Variants in KCNJ6 observed in about 807,000 individuals in gnomAD.
The protein encoded by KCNJ6 is potassium inwardly rectifying channel subfamily J member 6, also known as G protein-activated inward rectifier potassium channel 2.
A neutral mutation model predicts 34.2 loss-of-function variants in KCNJ6; 9 were observed. That is an observed-to-expected ratio of 0.26 (90% CI 0.16 to 0.46). KCNJ6 has a LOEUF of 0.46. KCNJ6 is among the 20% of genes least tolerant of loss of function. The probability of loss-of-function intolerance (pLI) is 1.00; values close to 1 mark genes in which losing one functional copy is unlikely to be tolerated. For missense variants in KCNJ6, 236 were observed against 531.3 expected (o/e 0.44, Z 5.46); for synonymous variants, 196 against 207.1 (o/e 0.95, Z 0.46).
rs1454987325 is a variant in KCNJ6 at position 37,859,512 on chromosome 21, TATATATATATATATATATAA to T, written c.-27-18823_-27-18804del. The stretch of plus-strand genomic sequence containing the variant: ...TTATATATATATATATATATATATA[TATATATATATATATATATAA>T]AATACTTAAAAAGCTCTACAGATGA... On this transcript the variant is annotated intron_variant, in intron 1 of 3. Coordinates refer to ENST00000609713, the MANE Select transcript of KCNJ6 (RefSeq NM_002240.5). 1.5e-3 allele frequency among the ~76,000 whole-genome samples: 182 copies of T among 119,040 alleles called. 12 individuals carry two copies. The highest frequency in any genetic ancestry group is 5.5e-3 in the African/African-American group (142 of 25,768). The allele number at this position is 119,040 out of a possible 152,430, so 78.1% of individuals were successfully genotyped here.
At chr21:37,719,488 A>G (rs1459771935) in intron 2 of KCNJ6, 2 of 152,192 alleles carry the variant, frequency 1.3e-5, no homozygotes, top group Non-Finnish European at 2.9e-5. Context: ...ACTTCTTACC[A>G]CCAAGGATAA....
chr21:37,722,979 T>C (rs1350039760), intron 2 of KCNJ6, among the ~76,000 whole-genome samples: 1 of 152,088 alleles, frequency 6.6e-6, no homozygotes, highest in Admixed American at 6.5e-5. Context: ...CAAAACAAAC[T>C]ATCAACAGGG....
intron 1 of KCNJ6, among the ~76,000 whole-genome samples, chr21:37,901,157 G>A (rs774192236): frequency 6.6e-6 from 1 of 152,202 alleles, no homozygotes; most frequent in Admixed American, 6.5e-5. Flanking sequence ...ATTGTCTTTG[G>A]TCAAGCTGTT....
At chr21:37,883,255 T>A (rs919941357) in intron 1 of KCNJ6, among the ~76,000 whole-genome samples, 10 of 152,330 alleles carry the variant, frequency 6.6e-5, no homozygotes, top group Admixed American at 5.9e-4. Context: ...AGCTATTAAG[T>A]ATTTTACTCT....
At chr21:37,631,579 G>C (rs1264878187) in intron 3 of KCNJ6, among the ~76,000 whole-genome samples, 1 of 152,138 alleles carries the variant, frequency 6.6e-6, no homozygotes, top group Non-Finnish European at 1.5e-5. Flanking sequence ...AGGACGATTG[G>C]AGAAGGGAGT....
chr21:37,886,645 G>A (rs963420816), intron 1 of KCNJ6, among the ~76,000 whole-genome samples: 8 of 152,148 alleles, frequency 5.3e-5, no homozygotes, highest in Admixed American at 1.3e-4. Flanking sequence ...GGATTTGCCC[G>A]CTGAAGGAAG....
chr21:37,704,183 T>C (rs2054706663), intron 3 of KCNJ6, among the ~76,000 whole-genome samples: 1 of 152,186 alleles, frequency 6.6e-6, no homozygotes, highest in African/African-American at 2.4e-5. Flanking sequence ...ACCAGGAAAG[T>C]GCTTGAAAAT....
chr21:37,655,285 G>A (rs1236406299), intron 3 of KCNJ6, among the ~76,000 whole-genome samples: 2 of 105,490 alleles, frequency 1.9e-5, no homozygotes, highest in African/African-American at 1.1e-4. Context: ...GAGAGAGAGA[G>A]TGTAACCATG....
At chr21:37,868,791 T>C (rs2055635884) in intron 1 of KCNJ6, among the ~76,000 whole-genome samples, 1 of 152,164 alleles carries the variant, frequency 6.6e-6, no homozygotes, top group Non-Finnish European at 1.5e-5. Context: ...CAGGCAGGGC[T>C]GGGGTTGGGT....
Position 37,614,978 on chromosome 21 carries a change from T to C in KCNJ6, c.*10181A>G, listed in dbSNP as rs1354002898. 1 of 152,244 alleles carries C rather than the reference T, an allele frequency of 6.6e-6. No individual in the cohort carries two copies. The highest frequency in any genetic ancestry group is 1.5e-5 in the Non-Finnish European group (1 of 68,042). 9.4% of individuals were successfully genotyped at this position (152,244 alleles called of 1,614,324 possible). On this transcript the variant is annotated 3_prime_UTR_variant, in exon 4 of 4. Coordinates refer to ENST00000609713, the MANE Select transcript of KCNJ6 (RefSeq NM_002240.5). ...TGAAGGTGCACACAGGGAGGAACCA[T>C]GTGATAACAGGCCACATGTTTTGTT...
intron 3 of KCNJ6, among the ~76,000 whole-genome samples, chr21:37,673,603 C>T (rs1260486636): frequency 6.6e-6 from 1 of 152,178 alleles, no homozygotes; most frequent in Admixed American, 6.5e-5. Context: ...GTGGATAGGA[C>T]ACAACACAGG....
chr21:37,687,304 T>C (rs1478758083), intron 3 of KCNJ6, among the ~76,000 whole-genome samples: 1 of 152,124 alleles, frequency 6.6e-6, no homozygotes, highest in East Asian at 1.9e-4. Context: ...CTCACCACTT[T>C]TCAGTTGTCA....
chr21:37,809,755 G>A (rs999931576), intron 2 of KCNJ6, among the ~76,000 whole-genome samples: 8 of 152,192 alleles, frequency 5.3e-5, no homozygotes, highest in Non-Finnish European at 1.2e-4. Context: ...AGGTAGACAT[G>A]AGCATGGTAT....
In KCNJ6 at chr21:37,613,646, A is replaced by C. The variant is rs1306544335; in HGVS notation, c.*11513T>G. 6.6e-6 allele frequency: 1 copy of C among 152,238 alleles called. No individual in the cohort carries two copies. Among genetic ancestry groups the C allele is most frequent in the African/African-American group, 2.4e-5 (1 of 41,460 alleles). The allele number at this position is 152,238 out of a possible 1,614,324, so 9.4% of individuals were successfully genotyped here. On this transcript the variant is annotated 3_prime_UTR_variant, in exon 4 of 4. Coordinates refer to ENST00000609713, the MANE Select transcript of KCNJ6 (RefSeq NM_002240.5). ...AGGGAAACTTAAATGCATGTTACTA[A>C]GTGAAATAAGCCAATTTTATAAGGC...
chr21:37,777,742 C>A (rs146453887), intron 2 of KCNJ6, among the ~76,000 whole-genome samples: 1 of 152,302 alleles, frequency 6.6e-6, no homozygotes, highest in East Asian at 1.9e-4. Flanking sequence ...CTTGCCTATT[C>A]ATTTGAAGGA....
chr21:37,634,047 A>G (rs1157381304), intron 3 of KCNJ6, among the ~76,000 whole-genome samples: 1 of 152,214 alleles, frequency 6.6e-6, no homozygotes, highest in Non-Finnish European at 1.5e-5. Flanking sequence ...AGATCACAGG[A>G]CATATTTAGT....
chr21:37,708,382 C>T (rs146458297), intron 3 of KCNJ6, among the ~76,000 whole-genome samples: 154 of 152,174 alleles, frequency 1.0e-3, no homozygotes, highest in Non-Finnish European at 1.7e-3. Context: ...AGAGAGTTTA[C>T]CATATTTGGG....
chr21:37,677,653 T>G (rs897519795), intron 3 of KCNJ6, among the ~76,000 whole-genome samples: 1 of 152,062 alleles, frequency 6.6e-6, no homozygotes, highest in African/African-American at 2.4e-5. Flanking sequence ...TTTGTTTGAC[T>G]ATTGCATAAG....
At chr21:37,630,162 T>TGTGTGTGTGG (rs748374656) in intron 3 of KCNJ6, among the ~76,000 whole-genome samples, 5 of 64,456 alleles carry the variant, frequency 7.8e-5, no homozygotes, top group African/African-American at 2.3e-4. Context: ...GTGTGTGGTG[T>TGTGTGTGTGG]TTATGTTCCA....
Sources: gnomAD v4.1 joint callset for allele counts (sites outside exome capture counted in the v4.1 genomes callset) on GRCh38, gnomAD v4.1.1 for gene constraint, MANE v1.5 for transcripts, NCBI Gene and HGNC (gene_info 2026-07-23, HGNC 2026-07-21) for gene names.